The following HOXC11 variants were observed in gnomAD, a reference collection of about 807,000 sequenced individuals.
HOXC11 encodes homeobox protein Hox-C11.
Under a neutral mutation model 23.6 loss-of-function variants are expected in HOXC11, and 17 were observed. That is an observed-to-expected ratio of 0.72 (90% CI 0.49 to 1.08). HOXC11 has a LOEUF of 1.08. HOXC11 is among the 50% of genes least tolerant of loss of function. HOXC11 has a pLI of 0.00. For synonymous variants in HOXC11, 196 were observed against 183.8 expected (o/e 1.07, Z -0.54); for missense variants, 413 against 412.1 (o/e 1.00, Z -0.02).
Position 53,973,367 on chromosome 12 carries a change from C to CGAG in HOXC11, c.127_129dup (p.Glu43dup). The CGAG allele has an allele frequency of 1.9e-6, 3 of 1,614,174 alleles. No homozygotes were observed. Among genetic ancestry groups the CGAG allele is most frequent in the Non-Finnish European group, 2.5e-6 (3 of 1,180,024 alleles). On this transcript the variant is annotated inframe_insertion, in exon 1 of 2. Transcript: ENST00000546378. The surrounding 1 kb of genome is among the most constrained non-coding windows in gnomAD (Gnocchi z 4.3). ...TGCCCAGTTGCACTTACTACATGCC[C>CGAG]GAGTTCTCCACGGTCTCCTCCTTCC...
chr12:53,975,148 T>G, intron 1 of HOXC11, 33 bp from the exon 2 acceptor site: 16 of 535,386 alleles, frequency 3.0e-5, no homozygotes, highest in East Asian at 4.4e-5. Flanking sequence ...CTCTCCCCCC[T>G]CTCCTCGCAC....
chr12:53,977,000 C>A lies in HOXC11; in HGVS notation c.*1587C>A, dbSNP rs1939273511. On this transcript the variant is annotated 3_prime_UTR_variant, in exon 2 of 2. Transcript: ENST00000546378. ...GGAAGGTGGGGCCTGGCTGCTTTCC[C>A]TCTGGCACAAATGGCCAGGCTCTTC... is the stretch of plus-strand genomic sequence containing the variant. 1 of 152,190 alleles carries A rather than the reference C, an allele frequency of 6.6e-6. No homozygotes were observed. The highest frequency in any genetic ancestry group is 2.4e-5 in the African/African-American group (1 of 41,420). The allele number at this position is 152,190 out of a possible 1,614,324, so 9.4% of individuals were successfully genotyped here.
intron 1 of HOXC11, among the ~76,000 whole-genome samples, chr12:53,974,146 G>A (rs1373609522): frequency 2.0e-5 from 3 of 152,130 alleles, no homozygotes; most frequent in Non-Finnish European, 2.9e-5. Context: ...GGGGAGGGAG[G>A]GAAAAGGGCT....
In HOXC11 at chr12:53,975,222, T is replaced by C; in HGVS notation, c.724T>C (p.Phe242Leu). 6.3e-7 allele frequency: 1 copy of C among 1,597,818 alleles called. No homozygotes were observed. Among genetic ancestry groups the C allele is most frequent in the Non-Finnish European group, 8.5e-7 (1 of 1,171,994 alleles). ...TRKKRCPYSK[F>L]QIRELEREFF... is the part of the protein sequence containing the mutation. ...CAAGAAGCGCTGCCCTTATTCGAAATTCCAGATCCGGGAACTGGAGCGAGA... is the reference window on the plus strand; with the variant it reads ...CAAGAAGCGCTGCCCTTATTCGAAACTCCAGATCCGGGAACTGGAGCGAGA... The change falls in exon 2 of 2, where the codon TTC (phenylalanine) becomes CTC (leucine). Residue 242 changes from phenylalanine (F) to leucine (L), a missense_variant. Phe to Leu is a conservative substitution (Grantham distance 22, BLOSUM62 0). Transcript: ENST00000546378.
At position 53,973,227 on chromosome 12, in the gene HOXC11, C is replaced by T. The variant is rs754972917; in HGVS notation, c.-15C>T. On this transcript the variant is annotated 5_prime_UTR_variant, in exon 1 of 2. Transcript: ENST00000546378. This position sits in a 1 kb window ranked among gnomAD's most constrained non-coding sequence, Gnocchi z 4.3. ...GTCCAAAACCTCCATCCGGAGCCGG[C>T]AGGAGAGGAGAACGATGTTTAACTC... 30 of 1,544,074 alleles carry T rather than the reference C, an allele frequency of 1.9e-5. No individual in the cohort carries two copies. In the South Asian group the frequency reaches 2.8e-4, roughly 14 times the overall value.
chr12:53,975,266 T>C lies in HOXC11; in HGVS notation c.768T>C (p.Tyr256=), dbSNP rs1939235734. ...AGCGAGAGTTTTTCTTCAACGTGTA[T>C]ATCAACAAAGAGAAGCGGCTGCAGC... is the stretch of plus-strand genomic sequence containing the variant. ...ELEREFFFNV[Y]INKEKRLQLS... The change falls in exon 2 of 2, where the codon TAT becomes TAC. Residue 256 remains tyrosine, a synonymous_variant. Coordinates refer to ENST00000546378, the MANE Select transcript of HOXC11 (RefSeq NM_014212.4). 3.1e-6 allele frequency: 5 copies of C among 1,613,146 alleles called. No homozygotes were observed. The highest frequency in any genetic ancestry group is 4.2e-6 in the Non-Finnish European group (5 of 1,179,746).
Position 53,975,621 on chromosome 12 carries a change from AAAGGGGGTG to A in HOXC11, c.*214_*222del. On this transcript the variant is annotated 3_prime_UTR_variant, in exon 2 of 2. Transcript: ENST00000546378. ...GCTGTGGGACAGGGACCGGGCCTGG[AAAGGGGGTG>A]AAGGGAAGTGTCTGATGCACGGCGA... 1 of 637,534 alleles carries A rather than the reference AAAGGGGGTG, an allele frequency of 1.6e-6. No individual in the cohort carries two copies. The allele number at this position is 637,534 out of a possible 1,614,324, so 39.5% of individuals were successfully genotyped here. A position where few individuals can be genotyped will look rare whatever the true frequency, so the allele number is the denominator to read the frequency against.
In HOXC11 at chr12:53,973,161, G is replaced by T; in HGVS notation, c.-81G>T. On this transcript the variant is annotated 5_prime_UTR_variant, in exon 1 of 2. Coordinates refer to ENST00000546378, the MANE Select transcript of HOXC11 (RefSeq NM_014212.4). The surrounding 1 kb of genome is among the most constrained non-coding windows in gnomAD (Gnocchi z 4.3). ...AGAGAGAGACTAAGACGGATAACGC[G>T]TCATCTCGCCTTCCCAAATTTTCCC... The T allele has an allele frequency of 9.4e-7, 1 of 1,059,682 alleles. No individual in the cohort carries two copies. The highest frequency in any genetic ancestry group is 2.4e-5 in the East Asian group (1 of 41,084). The allele number at this position is 1,059,682 out of a possible 1,614,324, so 65.6% of individuals were successfully genotyped here.
Position 53,973,200 on chromosome 12 carries a change from G to A in HOXC11, c.-42G>A. On this transcript the variant is annotated 5_prime_UTR_variant, in exon 1 of 2. Transcript: ENST00000546378. The surrounding 1 kb of genome is among the most constrained non-coding windows in gnomAD (Gnocchi z 4.3). ...CCAAATTTTCCCCCCTCGCTAGACC[G>A]GGTCCAAAACCTCCATCCGGAGCCG... 1 of 1,496,180 alleles carries A rather than the reference G, an allele frequency of 6.7e-7. No individual in the cohort carries two copies. Among genetic ancestry groups the A allele is most frequent in the Non-Finnish European group, 8.9e-7 (1 of 1,121,216 alleles). The allele number at this position is 1,496,180 out of a possible 1,614,324, so 92.7% of individuals were successfully genotyped here.
chr12:53,974,956 G>T, intron 1 of HOXC11: 1 of 553,944 alleles, frequency 1.8e-6, no homozygotes, highest in Admixed American at 3.3e-5. Flanking sequence ...CTGAGAACTG[G>T]GGACGGGGTG....
In HOXC11 at chr12:53,973,612, A is replaced by G; in HGVS notation, c.371A>G (p.His124Arg). The G allele has an allele frequency of 6.2e-7, 1 of 1,612,348 alleles. No individual in the cohort carries two copies. Among genetic ancestry groups the G allele is most frequent in the Non-Finnish European group, 8.5e-7 (1 of 1,179,726 alleles). ...LMKNEGSYGG[H>R]HHPSAPHATP... ...AAAAACGAAGGCTCCTACGGCGGCC[A>G]CCACCACCCCAGCGCCCCGCACGCA... Residue 124 changes from histidine to arginine, a missense_variant, in exon 1 of 2, where the codon CAC (histidine) becomes CGC (arginine). Transcript: ENST00000546378. The surrounding 1 kb of genome is among the most constrained non-coding windows in gnomAD (Gnocchi z 4.3).
rs1343039211 is a variant in HOXC11 at position 53,975,772 on chromosome 12, C to G, written c.*359C>G. On this transcript the variant is annotated 3_prime_UTR_variant, in exon 2 of 2. Transcript: ENST00000546378. ...GGGCGACAGTAGTGAGCGCCTGAGCCGAACAATCCTCGAACTAAAAGCCTT... is the reference window on the plus strand; with the variant it reads ...GGGCGACAGTAGTGAGCGCCTGAGCGGAACAATCCTCGAACTAAAAGCCTT... The G allele has an allele frequency of 6.1e-6, 3 of 495,694 alleles. No individual in the cohort carries two copies. The highest frequency in any genetic ancestry group is 3.8e-5 in the Admixed American group (1 of 26,556). 30.7% of individuals were successfully genotyped at this position (495,694 alleles called of 1,614,324 possible). A position where few individuals can be genotyped will look rare whatever the true frequency, so the allele number is the denominator to read the frequency against.
Position 53,973,609 on chromosome 12 carries a change from G to T in HOXC11, c.368G>T (p.Gly123Val), listed in dbSNP as rs769147038. The T allele has an allele frequency of 6.2e-7, 1 of 1,613,320 alleles. No homozygotes were observed. The highest frequency in any genetic ancestry group is 8.5e-7 in the Non-Finnish European group (1 of 1,179,954). ...ILMKNEGSYG[G>V]HHHPSAPHAT... ...ATGAAAAACGAAGGCTCCTACGGCG[G>T]CCACCACCACCCCAGCGCCCCGCAC... Residue 123 changes from glycine to valine, a missense_variant, in exon 1 of 2, where the codon GGC becomes GTC. Transcript: ENST00000546378. The surrounding 1 kb of genome is among the most constrained non-coding windows in gnomAD (Gnocchi z 4.3).
Position 53,977,362 on chromosome 12 carries a change from G to A in HOXC11, c.*1949G>A, listed in dbSNP as rs1220543911. On this transcript the variant is annotated 3_prime_UTR_variant, in exon 2 of 2. Transcript: ENST00000546378. The stretch of plus-strand genomic sequence containing the variant: ...ATATTTTTGTCAATACAATTCTGTT[G>A]GATGAAAGGAAAAAGCATCATGACT... 6.6e-6 allele frequency: 1 copy of A among 152,098 alleles called. No individual in the cohort carries two copies. Among genetic ancestry groups the A allele is most frequent in the Non-Finnish European group, 1.5e-5 (1 of 68,026 alleles). 9.4% of individuals were successfully genotyped at this position (152,098 alleles called of 1,614,324 possible). A position where few individuals can be genotyped will look rare whatever the true frequency, so the allele number is the denominator to read the frequency against.
Position 53,975,317 on chromosome 12 carries a change from C to A in HOXC11, c.819C>A (p.Asp273Glu), listed in dbSNP as rs755225095. 1 of 1,613,754 alleles carries A rather than the reference C, an allele frequency of 6.2e-7. No homozygotes were observed. The highest frequency in any genetic ancestry group is 8.5e-7 in the Non-Finnish European group (1 of 1,179,932). ...LQLSRMLNLT[D>E]RQVKIWFQNR... ...TGTCCCGGATGCTGAACCTGACGGA[C>A]CGACAAGTGAAAATTTGGTTTCAGA... is the stretch of plus-strand genomic sequence containing the variant. Residue 273 changes from aspartate to glutamate, a missense_variant, in exon 2 of 2, where the codon GAC becomes GAA. Coordinates refer to ENST00000546378, the MANE Select transcript of HOXC11 (RefSeq NM_014212.4).
Position 53,973,405 on chromosome 12 carries a change from C to A in HOXC11, c.164C>A (p.Pro55His). Residue 55 changes from proline to histidine, a missense_variant, in exon 1 of 2, where the codon CCC becomes CAC. Coordinates refer to ENST00000546378, the MANE Select transcript of HOXC11 (RefSeq NM_014212.4). The surrounding 1 kb of genome is among the most constrained non-coding windows in gnomAD (Gnocchi z 4.3). ...STVSSFLPQA[P>H]SRQISYPYSA... ...GTCTCCTCCTTCCTGCCCCAGGCCC[C>A]CTCTCGTCAGATCTCCTATCCCTAC... 1 of 1,614,228 alleles carries A rather than the reference C, an allele frequency of 6.2e-7. No individual in the cohort carries two copies. Among genetic ancestry groups the A allele is most frequent in the Middle Eastern group, 1.6e-4 (1 of 6,062 alleles).
chr12:53,974,962 G>T, intron 1 of HOXC11: 1 of 566,378 alleles, frequency 1.8e-6, no homozygotes, highest in Non-Finnish European at 3.1e-6. Flanking sequence ...ACTGGGGACG[G>T]GGTGGCGCAG....
chr12:53,973,632 C>A lies in HOXC11; in HGVS notation c.391C>A (p.His131Asn). 6.2e-7 allele frequency: 1 copy of A among 1,613,818 alleles called. No homozygotes were observed. The highest frequency in any genetic ancestry group is 8.5e-7 in the Non-Finnish European group (1 of 1,180,040). The change falls in exon 1 of 2, where the codon CAC becomes AAC. Residue 131 changes from histidine to asparagine, a missense_variant. His to Asn is a moderately conservative substitution (Grantham distance 68). Transcript: ENST00000546378. This position sits in a 1 kb window ranked among gnomAD's most constrained non-coding sequence, Gnocchi z 4.3. ...YGGHHHPSAPHATPAGFYSSV... is the reference protein window; with the variant it reads ...YGGHHHPSAPNATPAGFYSSV... Reference sequence around the variant, plus strand: ...CGGCCACCACCACCCCAGCGCCCCGCACGCAACCCCCGCCGGCTTCTACTC... The same window carrying A: ...CGGCCACCACCACCCCAGCGCCCCGAACGCAACCCCCGCCGGCTTCTACTC...
chr12:53,975,638 G>A lies in HOXC11; in HGVS notation c.*225G>A, dbSNP rs1433263061. 1 of 621,986 alleles carries A rather than the reference G, an allele frequency of 1.6e-6. No homozygotes were observed. Among genetic ancestry groups the A allele is most frequent in the African/African-American group, 1.9e-5 (1 of 53,810 alleles). The allele number at this position is 621,986 out of a possible 1,614,324, so 38.5% of individuals were successfully genotyped here. A position where few individuals can be genotyped will look rare whatever the true frequency, so the allele number is the denominator to read the frequency against. ...GGGCCTGGAAAGGGGGTGAAGGGAA[G>A]TGTCTGATGCACGGCGAGTGAACAC... On this transcript the variant is annotated 3_prime_UTR_variant, in exon 2 of 2. Transcript: ENST00000546378.
Sources: allele counts gnomAD v4.1 joint callset (sites outside exome capture counted in the v4.1 genomes callset), GRCh38; gene constraint gnomAD v4.1.1; non-coding constraint Gnocchi (gnomAD v3.1); transcripts MANE v1.5; gene names NCBI Gene and HGNC (gene_info 2026-07-23, HGNC 2026-07-21).